TEX9: variants seen among roughly 807,000 people sequenced by gnomAD.
TEX9 encodes testis expressed 9, also known as testis-expressed protein 9.
TEX9 carries 74 observed loss-of-function variants against 59.6 expected under a neutral mutation model. The ratio of observed to expected loss-of-function variants is 1.24; its 90% CI spans 1.03 to 1.51. TEX9 has a LOEUF of 1.51. Ranked by LOEUF, TEX9 falls within the 40% of genes most tolerant of loss-of-function variation. The pLI is 0.00. For synonymous variants in TEX9, 186 were observed against 152.2 expected, an observed-to-expected ratio of 1.22 and a Z score of -1.64; for missense variants, 522 against 447.8, an observed-to-expected ratio of 1.17 and a Z score of -1.49.
intron 1 of TEX9, among the ~76,000 whole-genome samples, chr15:56,337,207 G>A (rs773601259): frequency 6.6e-6 from 1 of 152,082 alleles, no homozygotes; most frequent in Non-Finnish European, 1.5e-5. Context: ...TTTCCCTCCT[G>A]TTCCACACAT....
At chr15:56,450,801 CTTTG>C (rs1465942275), downstream of TEX9, among the ~76,000 whole-genome samples, 2 of 152,006 alleles carry the variant, frequency 1.3e-5, no homozygotes, top group African/African-American at 2.4e-5. Flanking sequence ...TATGGTAATC[CTTTG>C]TTTAACTTTT....
intron 1 of TEX9, among the ~76,000 whole-genome samples, chr15:56,273,077 C>G (rs1335292544): frequency 6.6e-6 from 1 of 151,962 alleles, no homozygotes; most frequent in Non-Finnish European, 1.5e-5. Flanking sequence ...CTGCAGCCTC[C>G]TGAGTAACTG....
At chr15:56,309,707 T>TTTTTTTA (rs2045564688) in intron 1 of TEX9, among the ~76,000 whole-genome samples, 3 of 131,634 alleles carry the variant, frequency 2.3e-5, no homozygotes, top group Admixed American at 8.4e-5. Flanking sequence ...TTTTTTTTTT[T>TTTTTTTA]TTTTTTTTTT....
chr15:56,412,659 G>T (rs2140145450), intron 10 of TEX9, among the ~76,000 whole-genome samples: 1 of 152,230 alleles, frequency 6.6e-6, no homozygotes, highest in South Asian at 2.1e-4. Context: ...TTGGAAGATT[G>T]ATTTCTTCAA....
At chr15:56,447,122 T>C, downstream of TEX9, 1 of 521,160 alleles carries the variant, frequency 1.9e-6, no homozygotes, top group South Asian at 2.6e-5. Flanking sequence ...GCATTAGGGC[T>C]TACATTTTCT....
the TEX9 span, among the ~76,000 whole-genome samples, chr15:56,459,881 T>G: frequency 3.3e-5 from 5 of 149,438 alleles, no homozygotes; most frequent in South Asian, 1.1e-3. Context: ...TCCCAGCTAC[T>G]TGGAAGGCCT....
At position 56,396,370 on chromosome 15, in the gene TEX9, G is replaced by A. The variant is rs142773051; in HGVS notation, c.828+1536G>A. 1.1e-4 allele frequency: 17 copies of A among 152,150 alleles called. No homozygotes were observed. The East Asian group carries it at 3.3e-3, about 29-fold the overall frequency. 9.4% of individuals were successfully genotyped at this position (152,150 alleles called of 1,614,324 possible). On this transcript the variant is annotated intron_variant, in intron 9 of 12. Coordinates refer to ENST00000352903, the Ensembl canonical transcript of TEX9. ...TACAATTCTATGAGTTTTGACAAAT[G>A]TATGCAGTAATATAACTATCACTAT...
chr15:56,273,807 A>T (rs748061587), intron 1 of TEX9, among the ~76,000 whole-genome samples: 1 of 152,122 alleles, frequency 6.6e-6, no homozygotes, highest in African/African-American at 2.4e-5. Flanking sequence ...TAATTCTTAT[A>T]TTTGTTGCTC....
intron 1 of TEX9, among the ~76,000 whole-genome samples, chr15:56,266,100 G>T (rs1443281957): frequency 6.6e-6 from 1 of 151,312 alleles, no homozygotes; most frequent in Non-Finnish European, 1.5e-5. Context: ...TATATTCTTG[G>T]TGAATTGGTT....
chr15:56,353,112 A>G (rs2046616687), intron 1 of TEX9, among the ~76,000 whole-genome samples: 1 of 152,216 alleles, frequency 6.6e-6, no homozygotes, highest in African/African-American at 2.4e-5. Flanking sequence ...CCCCTTAAGT[A>G]CAGGGAGCAC....
At chr15:56,288,775 A>G (rs1254178955) in intron 1 of TEX9, among the ~76,000 whole-genome samples, 3 of 152,100 alleles carry the variant, frequency 2.0e-5, no homozygotes, top group South Asian at 4.1e-4. Flanking sequence ...GCATATGTAT[A>G]TATTTTCCCA....
chr15:56,343,997 C>T (rs2046419520), intron 1 of TEX9, among the ~76,000 whole-genome samples: 1 of 152,104 alleles, frequency 6.6e-6, no homozygotes, highest in South Asian at 2.1e-4. Context: ...AGATGGCTAT[C>T]TATATAAGAT....
chr15:56,426,397 G>A (rs2050244661), intron 10 of TEX9, among the ~76,000 whole-genome samples: 1 of 151,204 alleles, frequency 6.6e-6, no homozygotes, highest in South Asian at 2.1e-4. Flanking sequence ...TTCTTAGTTA[G>A]GCAGTCTCTT....
At position 56,388,600 on chromosome 15, in the gene TEX9, A is replaced by G. The variant is rs946458690; in HGVS notation, c.312+80A>G. On this transcript the variant is annotated intron_variant, in intron 5 of 12. Coordinates refer to ENST00000352903, the Ensembl canonical transcript of TEX9. ...TTTTTAGACTTTTCTTAGACAAAGC[A>G]GAGAAGGGGTATGACTCAACAGAAA... is the stretch of plus-strand genomic sequence containing the variant. The G allele has an allele frequency of 4.2e-5, 51 of 1,204,292 alleles. No individual in the cohort carries two copies. In the African/African-American group the frequency reaches 6.7e-4, roughly 16 times the overall value. The allele number at this position is 1,204,292 out of a possible 1,614,324, so 74.6% of individuals were successfully genotyped here.
intron 1 of TEX9, among the ~76,000 whole-genome samples, chr15:56,357,013 T>TACTGTCAATA (rs2046697950): frequency 6.6e-6 from 1 of 152,168 alleles, no homozygotes; most frequent in Non-Finnish European, 1.5e-5. Context: ...GATAGGGCTA[T>TACTGTCAATA]AAGAATACTG....
chr15:56,443,429 C>A, intron 12 of TEX9: 1 of 1,558,272 alleles, frequency 6.4e-7, no homozygotes. Flanking sequence ...CTGAAACTTA[C>A]TTTTAGCTTG....
the TEX9 span, among the ~76,000 whole-genome samples, chr15:56,459,159 G>A: frequency 6.6e-6 from 1 of 151,868 alleles, no homozygotes; most frequent in South Asian, 2.1e-4. Context: ...TCTATTTTTT[G>A]TCTCCATGGA....
intron 9 of TEX9, among the ~76,000 whole-genome samples, chr15:56,404,745 A>G (rs1473385633): frequency 2.6e-5 from 4 of 152,250 alleles, no homozygotes; most frequent in East Asian, 1.9e-4. Flanking sequence ...ATGTCCATCA[A>G]TGATAGACTG....
chr15:56,282,388 T>G (rs1307244241), intron 1 of TEX9, among the ~76,000 whole-genome samples: 1 of 152,108 alleles, frequency 6.6e-6, no homozygotes, highest in Non-Finnish European at 1.5e-5. Flanking sequence ...CCCCAGTAGA[T>G]AGCATATTTT....
Sources: allele counts gnomAD v4.1 joint callset (sites outside exome capture counted in the v4.1 genomes callset), GRCh38; gene constraint gnomAD v4.1.1; transcripts MANE v1.5; gene names NCBI Gene and HGNC (gene_info 2026-07-23, HGNC 2026-07-21).